ZNF469: variants seen among roughly 807,000 people sequenced by gnomAD.
ZNF469 encodes the protein zinc finger protein 469.
ZNF469 carries 1 observed loss-of-function variant against 1.0 expected under a neutral mutation model. The observed-to-expected ratio is 1.00, with a 90% confidence interval of 0.35 to 4.73. The LOEUF is 4.73. ZNF469 is among the 30% of genes most tolerant of loss of function. The pLI, the probability that ZNF469 is intolerant of heterozygous loss-of-function variation, is 0.16. For synonymous variants in ZNF469, 2,703 were observed against 2,363.4 expected (o/e 1.14, Z -4.17); for missense variants, 6,100 against 5,356.3 (o/e 1.14, Z -4.33).
intron 2 of ZNF469, among the ~76,000 whole-genome samples, chr16:88,426,037 C>T (rs1905683739): frequency 6.6e-6 from 1 of 152,218 alleles, no homozygotes; most frequent in Admixed American, 6.5e-5. Context: ...GCCTGCCAGC[C>T]TCTGCGTTAG....
the ZNF469 span, among the ~76,000 whole-genome samples, chr16:88,309,315 C>T: frequency 4.6e-5 from 7 of 152,316 alleles, no homozygotes; most frequent in South Asian, 6.2e-4. Context: ...GGGACACCTC[C>T]GAGCTGGGCC....
the ZNF469 span, among the ~76,000 whole-genome samples, chr16:88,306,466 G>T: frequency 2.6e-5 from 4 of 152,216 alleles, no homozygotes; most frequent in African/African-American, 7.2e-5. Flanking sequence ...ACCCTGGGAG[G>T]CTCGGGGAGG....
chr16:88,357,586 G>C, the ZNF469 span, among the ~76,000 whole-genome samples: 1 of 152,228 alleles, frequency 6.6e-6, no homozygotes, highest in African/African-American at 2.4e-5. Flanking sequence ...AGGCAGGCGG[G>C]GGCCTGGGCA....
At chr16:88,156,274 A>G in the ZNF469 span, among the ~76,000 whole-genome samples, 384 of 152,178 alleles carry the variant, frequency 2.5e-3, 1 homozygote, top group African/African-American at 8.7e-3. Context: ...TTTTCTTATG[A>G]TGCTTTTGGT....
the ZNF469 span, among the ~76,000 whole-genome samples, chr16:88,371,957 CCATCATCACCATCACCACCAT>C: frequency 7.3e-6 from 1 of 136,902 alleles, no homozygotes; most frequent in Non-Finnish European, 1.6e-5. Context: ...ACCATCACCA[CCATCATCACCATCACCACCAT>C]CATCACCATC....
Position 88,394,813 on chromosome 16 carries a change from C to G in ZNF469, c.-192+11559C>G, listed in dbSNP as rs116940287. 8.6e-3 allele frequency among the ~76,000 whole-genome samples: 1,316 copies of G among 152,346 alleles called. 18 individuals carry two copies. The highest frequency in any genetic ancestry group is 0.013 in the Non-Finnish European group (901 of 68,040). On this transcript the variant is annotated intron_variant, in intron 1 of 2. Transcript: ENST00000565624. ...GGAGACCCCTGGACACGTCGGAGCCCTGTCACCATGGCTTTCATGTGGTCC... is the reference window on the plus strand; with the variant it reads ...GGAGACCCCTGGACACGTCGGAGCCGTGTCACCATGGCTTTCATGTGGTCC...
chr16:88,166,776 C>CACACACAT, the ZNF469 span, among the ~76,000 whole-genome samples: 1 of 151,122 alleles, frequency 6.6e-6, no homozygotes, highest in African/African-American at 2.4e-5. The surrounding 1 kb of genome is among the most constrained non-coding windows in gnomAD (Gnocchi z 4.5). Flanking sequence ...ATCATAAACA[C>CACACACAT]ACACACACAC....
chr16:88,200,937 G>C, the ZNF469 span, among the ~76,000 whole-genome samples: 1 of 152,224 alleles, frequency 6.6e-6, no homozygotes, highest in Non-Finnish European at 1.5e-5. Context: ...TGGCCCTGGG[G>C]ACCTCCGGCC....
rs1033629139 is a variant in ZNF469 at position 88,437,721 on chromosome 16, C to G, written c.10251C>G (p.Ser3417=). 2.6e-6 allele frequency: 4 copies of G among 1,549,708 alleles called. No homozygotes were observed. The South Asian group carries it at 4.8e-5, about 18-fold the overall frequency. Residue 3417 remains serine, a synonymous_variant, in exon 3 of 3, where the codon TCC becomes TCG. Coordinates refer to ENST00000565624, the MANE Select transcript of ZNF469 (RefSeq NM_001367624.2). ...CATVMRIIKK[S]FACSSCNYTF... is the part of the protein sequence containing the mutation. ...CGGTTATGCGCATCATCAAGAAGTC[C>G]TTCGCCTGCAGCTCCTGCAACTACA...
At chr16:88,395,235 GTAGATGGATGGATGGA>G (rs758337661) in intron 1 of ZNF469, among the ~76,000 whole-genome samples, 60,861 of 138,200 alleles carry the variant, frequency 0.44, 14,504 homozygotes, top group African/African-American at 0.46. Flanking sequence ...GGGTGGATGG[GTAGATGGATGGATGGA>G]TGGATGGATG....
chr16:88,144,164 A>G, the ZNF469 span, among the ~76,000 whole-genome samples: 1 of 152,182 alleles, frequency 6.6e-6, no homozygotes, highest in Non-Finnish European at 1.5e-5. Flanking sequence ...AGCCTGTGGC[A>G]GTGAGCAGCC....
chr16:88,154,897 G>A, the ZNF469 span, among the ~76,000 whole-genome samples: 1 of 152,174 alleles, frequency 6.6e-6, no homozygotes, highest in Admixed American at 6.5e-5. Context: ...CTTCTGATGT[G>A]ACTCATCTAC....
chr16:88,281,443 G>T, the ZNF469 span, among the ~76,000 whole-genome samples: 1 of 150,372 alleles, frequency 6.7e-6, no homozygotes, highest in East Asian at 2.0e-4. Context: ...GCATGGGTTA[G>T]TGCTGTGCCA....
chr16:88,148,803 G>C, the ZNF469 span, among the ~76,000 whole-genome samples: 1 of 152,150 alleles, frequency 6.6e-6, no homozygotes, highest in African/African-American at 2.4e-5. Flanking sequence ...TGTTCTCACT[G>C]GGCCGTTGGC....
the ZNF469 span, among the ~76,000 whole-genome samples, chr16:88,240,193 C>T: frequency 7.4e-4 from 113 of 152,248 alleles, 1 homozygote; most frequent in African/African-American, 2.5e-3. Flanking sequence ...GAGGTGCTCC[C>T]GGTCATTTCT....
chr16:88,265,459 C>G, the ZNF469 span, among the ~76,000 whole-genome samples: 3 of 152,146 alleles, frequency 2.0e-5, no homozygotes, highest in Non-Finnish European at 4.4e-5. Context: ...GGCTGCGGCA[C>G]AGAGGGGCAG....
the ZNF469 span, among the ~76,000 whole-genome samples, chr16:88,198,986 G>A: frequency 6.6e-6 from 1 of 152,208 alleles, no homozygotes; most frequent in Non-Finnish European, 1.5e-5. Context: ...TCTGTTAGCT[G>A]GCTTGGGGTC....
At chr16:88,191,391 A>G in the ZNF469 span, 7 of 152,262 alleles carry the variant, frequency 4.6e-5, no homozygotes, top group Non-Finnish European at 1.5e-5. Flanking sequence ...CTGGAGATCT[A>G]GATGCCCACA....
At chr16:88,177,456 G>A in the ZNF469 span, 1 of 150,892 alleles carries the variant, frequency 6.6e-6, no homozygotes, top group African/African-American at 2.4e-5. The surrounding 1 kb of genome is among the most constrained non-coding windows in gnomAD (Gnocchi z 4.8). Context: ...ACTGAAATCA[G>A]GATATTAGTT....
Sources: allele counts gnomAD v4.1 joint callset (sites outside exome capture counted in the v4.1 genomes callset), GRCh38; gene constraint gnomAD v4.1.1; non-coding constraint Gnocchi (gnomAD v3.1); transcripts MANE v1.5; gene names NCBI Gene and HGNC (gene_info 2026-07-23, HGNC 2026-07-21).